FHIT: variants seen among roughly 807,000 people sequenced by gnomAD.
The protein encoded by FHIT is bis(5'-adenosyl)-triphosphatase.
In FHIT, 19 loss-of-function variants were observed where a neutral mutation model predicts 17.9. The ratio of observed to expected loss-of-function variants is 1.06; its 90% CI spans 0.74 to 1.56. The LOEUF is 1.56. FHIT is among the 40% of genes most tolerant of loss of function. The pLI is 0.00. For missense variants in FHIT, 248 were observed against 189.2 expected (o/e 1.31, Z -1.82); for synonymous variants, 81 against 69.7 (o/e 1.16, Z -0.81).
At chr3:59,936,663 A>G (rs1229381715) in intron 7 of FHIT, among the ~76,000 whole-genome samples, 1 of 152,128 alleles carries the variant, frequency 6.6e-6, no homozygotes, top group Non-Finnish European at 1.5e-5. Flanking sequence ...AAATGCAAAA[A>G]TTTGTGAAAT....
chr3:59,861,778 TA>T (rs1199496847), intron 8 of FHIT, among the ~76,000 whole-genome samples: 1 of 152,190 alleles, frequency 6.6e-6, no homozygotes, highest in Non-Finnish European at 1.5e-5. Context: ...CTCATCAATA[TA>T]TTTTTATGCC....
chr3:60,994,218 A>G (rs1052583444), intron 3 of FHIT, among the ~76,000 whole-genome samples: 1 of 152,154 alleles, frequency 6.6e-6, no homozygotes, highest in Non-Finnish European at 1.5e-5. Context: ...CATGTATTTC[A>G]TTTGGATGAC....
chr3:59,772,465 C>T (rs1188123042), intron 8 of FHIT, among the ~76,000 whole-genome samples: 1 of 152,214 alleles, frequency 6.6e-6, no homozygotes. Context: ...ATTCATTAAT[C>T]TTCATGACCA....
intron 8 of FHIT, among the ~76,000 whole-genome samples, chr3:59,826,236 G>C (rs916812962): frequency 6.6e-6 from 1 of 152,170 alleles, no homozygotes; most frequent in African/African-American, 2.4e-5. Flanking sequence ...TCCCACCTCA[G>C]CCTCCTGAGT....
chr3:60,562,011 A>G (rs2036970917), intron 4 of FHIT, among the ~76,000 whole-genome samples: 1 of 152,092 alleles, frequency 6.6e-6, no homozygotes, highest in Non-Finnish European at 1.5e-5. Context: ...TTTCCAGTTA[A>G]CTTGATCCAC....
intron 2 of FHIT, among the ~76,000 whole-genome samples, chr3:61,173,125 T>A (rs1374795866): frequency 1.3e-5 from 2 of 152,208 alleles, no homozygotes; most frequent in African/African-American, 4.8e-5. Flanking sequence ...TGTTAATATT[T>A]TAATTTTTTA....
chr3:60,935,213 G>A (rs1359061211), intron 3 of FHIT, among the ~76,000 whole-genome samples: 5 of 152,194 alleles, frequency 3.3e-5, no homozygotes, highest in African/African-American at 9.7e-5. Context: ...TAACTATTAT[G>A]TAGGTTTAAA....
At chr3:60,711,090 T>G (rs2041517101) in intron 4 of FHIT, among the ~76,000 whole-genome samples, 1 of 152,118 alleles carries the variant, frequency 6.6e-6, no homozygotes, top group Admixed American at 6.5e-5. Flanking sequence ...CCAGAGGAAC[T>G]ATCAGACAGC....
intron 5 of FHIT, among the ~76,000 whole-genome samples, chr3:60,514,390 C>G (rs967044363): frequency 1.3e-5 from 2 of 152,226 alleles, no homozygotes; most frequent in African/African-American, 4.8e-5. Flanking sequence ...CTTGCACGCT[C>G]CCTCCCGTGG....
intron 5 of FHIT, among the ~76,000 whole-genome samples, chr3:60,033,721 A>G (rs1444992271): frequency 6.6e-6 from 1 of 152,212 alleles, no homozygotes; most frequent in Non-Finnish European, 1.5e-5. Flanking sequence ...GAAGGTAAAC[A>G]GGCCATCCTT....
chr3:60,116,293 G>T (rs1234507903), intron 5 of FHIT, among the ~76,000 whole-genome samples: 2 of 152,114 alleles, frequency 1.3e-5, no homozygotes, highest in African/African-American at 4.8e-5. Context: ...AGCCAGAAAG[G>T]CTTCCTGGAA....
intron 7 of FHIT, among the ~76,000 whole-genome samples, chr3:59,966,511 T>C (rs1046334212): frequency 6.6e-6 from 1 of 152,198 alleles, no homozygotes; most frequent in Non-Finnish European, 1.5e-5. Flanking sequence ...ACCTAGATGG[T>C]ACAGCTCTCT....
chr3:60,945,881 A>G (rs1431510948), intron 3 of FHIT, among the ~76,000 whole-genome samples: 5 of 152,204 alleles, frequency 3.3e-5, no homozygotes, highest in Admixed American at 1.3e-4. Flanking sequence ...GTTTTCTCAG[A>G]AAGTAGAAGT....
intron 5 of FHIT, among the ~76,000 whole-genome samples, chr3:60,407,810 C>T (rs778576576): frequency 6.6e-6 from 1 of 152,170 alleles, no homozygotes; most frequent in South Asian, 2.1e-4. Flanking sequence ...AGCCACTGCA[C>T]CTGACCCAAA....
At chr3:59,802,700 G>A (rs551178110) in intron 8 of FHIT, among the ~76,000 whole-genome samples, 1 of 152,272 alleles carries the variant, frequency 6.6e-6, no homozygotes, top group South Asian at 2.1e-4. Context: ...CTCACATAAA[G>A]CCTATTGGTT....
At chr3:59,962,870 A>T (rs987609928) in intron 7 of FHIT, among the ~76,000 whole-genome samples, 1 of 152,254 alleles carries the variant, frequency 6.6e-6, no homozygotes, top group African/African-American at 2.4e-5. Context: ...CAATTTTTCT[A>T]GCATATATAC....
intron 5 of FHIT, among the ~76,000 whole-genome samples, chr3:60,469,436 C>T (rs892505542): frequency 2.6e-5 from 4 of 152,176 alleles, no homozygotes; most frequent in African/African-American, 9.7e-5. Context: ...CTGCTATTAA[C>T]AGACTCTGAT....
At chr3:60,322,234 G>C (rs1167226057) in intron 5 of FHIT, among the ~76,000 whole-genome samples, 1 of 152,142 alleles carries the variant, frequency 6.6e-6, no homozygotes, top group African/African-American at 2.4e-5. Context: ...GAGTATATTA[G>C]CACTAAAATG....
At chr3:60,965,847 C>T (rs1709710988) in intron 3 of FHIT, among the ~76,000 whole-genome samples, 1 of 152,198 alleles carries the variant, frequency 6.6e-6, no homozygotes, top group Non-Finnish European at 1.5e-5. Context: ...CAGTCGGCCC[C>T]TACTGGGAGG....
Sources: allele counts gnomAD v4.1 joint callset (sites outside exome capture counted in the v4.1 genomes callset), GRCh38; gene constraint gnomAD v4.1.1; transcripts MANE v1.5; gene names NCBI Gene and HGNC (gene_info 2026-07-23, HGNC 2026-07-21).